The following DDX49 variants were observed in gnomAD, a reference collection of about 807,000 sequenced individuals.
DDX49 encodes DEAD-box helicase 49.
In DDX49, 50 loss-of-function variants were observed where a neutral mutation model predicts 56.3. That is an observed-to-expected ratio of 0.89 (90% confidence interval 0.71 to 1.12). The LOEUF is 1.12. DDX49 is among the 50% of genes most tolerant of loss of function. The probability of loss-of-function intolerance (pLI) is 0.00; values close to 1 mark genes in which losing one functional copy is unlikely to be tolerated. For missense variants in DDX49, 614 were observed against 650.5 expected (o/e 0.94, Z 0.61); for synonymous variants, 269 against 270.6 (o/e 0.99, Z 0.06).
At chr19:18,924,429 A>G (rs2056944346) in intron 7 of DDX49, 121 bp downstream of exon 7, 4 of 1,127,038 alleles carry the variant, frequency 3.5e-6, no homozygotes, top group Non-Finnish European at 5.3e-6. Flanking sequence ...TTCTGGTCCC[A>G]GAATATCGCA....
Position 18,922,680 on chromosome 19 carries a change from C to A in DDX49, c.712C>A (p.Leu238Met). Residue 238 changes from leucine (L) to methionine (M), a missense_variant, in exon 6 of 13, where the codon CTG (leucine) becomes ATG (methionine). Coordinates refer to ENST00000247003, the MANE Select transcript of DDX49 (RefSeq NM_019070.5). ...GGTCAAGGACGCCTACCTGGTCCAC[C>A]TGATCCAGCGCTTCCAGGATGAGCA... Reference protein sequence around the residue: ...EKVKDAYLVHLIQRFQDEHED... With the variant: ...EKVKDAYLVHMIQRFQDEHED... The A allele has an allele frequency of 6.2e-7, 1 of 1,614,080 alleles. No individual in the cohort carries two copies. Among genetic ancestry groups the A allele is most frequent in the East Asian group, 2.2e-5 (1 of 44,892 alleles).
At position 18,928,447 on chromosome 19, in the gene DDX49, G is replaced by A; in HGVS notation, c.*131G>A. 5.5e-6 allele frequency: 5 copies of A among 903,392 alleles called. No homozygotes were observed. The highest frequency in any genetic ancestry group is 8.1e-6 in the Non-Finnish European group (5 of 615,498). The allele number at this position is 903,392 out of a possible 1,614,324, so 56.0% of individuals were successfully genotyped here. Reference sequence around the variant, plus strand: ...CACAGCAGAACCCGTGGGCGCTCGTGTTGTGCGGGCCCTGCTCCTCTGCCC... The same window carrying A: ...CACAGCAGAACCCGTGGGCGCTCGTATTGTGCGGGCCCTGCTCCTCTGCCC... On this transcript the variant is annotated 3_prime_UTR_variant, in exon 13 of 13. Transcript: ENST00000247003.
At chr19:18,927,113 AG>A (rs2056967635) in intron 10 of DDX49, among the ~76,000 whole-genome samples, 1 of 139,058 alleles carries the variant, frequency 7.2e-6, no homozygotes, top group South Asian at 2.3e-4. Context: ...CTGGACTTTA[AG>A]GCCGGGCACG....
intron 8 of DDX49, 38 bp downstream of exon 8, chr19:18,924,737 C>G (rs1228443441): frequency 1.2e-6 from 2 of 1,613,994 alleles, no homozygotes; most frequent in Admixed American, 3.3e-5. Flanking sequence ...GGCACTCCCT[C>G]TTTTACTACA....
chr19:18,927,478 G>C (rs568969901), intron 10 of DDX49, among the ~76,000 whole-genome samples: 4 of 151,642 alleles, frequency 2.6e-5, no homozygotes, highest in African/African-American at 9.7e-5. Flanking sequence ...AAAAAATGGC[G>C]GGGGGAGGCT....
intron 10 of DDX49, 43 bp downstream of exon 10, chr19:18,926,420 T>TGGGGG: frequency 4.6e-5 from 9 of 194,800 alleles, no homozygotes; most frequent in East Asian, 2.8e-4. Context: ...AGGGGTGGGG[T>TGGGGG]GGGCAGAGGT....
At position 18,921,681 on chromosome 19, in the gene DDX49, C is replaced by T. The variant is rs773680130; in HGVS notation, c.258C>T (p.Ile86=). Residue 86 remains isoleucine (I), a synonymous_variant, in exon 3 of 13, where the codon ATC becomes ATT. Transcript: ENST00000247003. The part of the protein sequence containing the change: ...LTPTRELAYQ[I]AEQFRVLGKP... Reference sequence around the variant, plus strand: ...CCCACAGGGAGCTGGCCTACCAGATCGCAGAGCAGTTCCGGGTCCTGGGGA... The same window carrying T: ...CCCACAGGGAGCTGGCCTACCAGATTGCAGAGCAGTTCCGGGTCCTGGGGA... 6.8e-6 allele frequency: 11 copies of T among 1,613,982 alleles called. No homozygotes were observed. In the East Asian group the frequency reaches 2.0e-4, roughly 29 times the overall value.
rs1056038 is a variant in DDX49, at chr19:18,928,313, C to G, written c.1449C>G (p.Val483=). 1 of 1,543,076 alleles carries G rather than the reference C, an allele frequency of 6.5e-7. No homozygotes were observed. Among genetic ancestry groups the G allele is most frequent in the Non-Finnish European group, 8.7e-7 (1 of 1,145,544 alleles). ...HSGPVPSQGL[V] is the part of the protein sequence containing the mutation. Reference sequence around the variant, plus strand: ...GCCCAGTCCCCTCCCAGGGCCTGGTCTGAGCCCCACACGGCCATCTGCCCA... The same window carrying G: ...GCCCAGTCCCCTCCCAGGGCCTGGTGTGAGCCCCACACGGCCATCTGCCCA... The change falls in exon 13 of 13, where the codon GTC becomes GTG. Residue 483 remains valine (V), a synonymous_variant. Coordinates refer to ENST00000247003, the MANE Select transcript of DDX49 (RefSeq NM_019070.5).
Position 18,922,434 on chromosome 19 carries a change from A to G in DDX49, c.556A>G (p.Ser186Gly), listed in dbSNP as rs1286847953. Residue 186 changes from serine to glycine, a missense_variant, in exon 5 of 13, where the codon AGC becomes GGC. Physicochemically the swap from Ser to Gly is moderately conservative, Grantham distance 56. Coordinates refer to ENST00000247003, the MANE Select transcript of DDX49 (RefSeq NM_019070.5). ...GGCCCGCAGGCAGACACTGCTGTTC[A>G]GCGCCACGCTGACCGACACACTCCG... ...VPARRQTLLF[S>G]ATLTDTLREL... 2 of 1,607,102 alleles carry G rather than the reference A, an allele frequency of 1.2e-6. No individual in the cohort carries two copies. Among genetic ancestry groups the G allele is most frequent in the Admixed American group, 1.7e-5 (1 of 59,260 alleles).
intron 6 of DDX49, among the ~76,000 whole-genome samples, chr19:18,923,658 T>G (rs1302274207): frequency 6.6e-6 from 1 of 152,066 alleles, no homozygotes; most frequent in African/African-American, 2.4e-5. Flanking sequence ...CTTCTTGGCC[T>G]TCTTGGTAAC....
chr19:18,922,897 C>T (rs2056931159), intron 6 of DDX49, among the ~76,000 whole-genome samples, 153 bp downstream of exon 6: 1 of 152,182 alleles, frequency 6.6e-6, no homozygotes, highest in Admixed American at 6.5e-5. Context: ...CAAGGTCCCT[C>T]AATCTGAAGG....
chr19:18,922,893 C>T, intron 6 of DDX49, 149 bp downstream of exon 6: 3 of 1,067,812 alleles, frequency 2.8e-6, no homozygotes, highest in Admixed American at 2.6e-5. Flanking sequence ...GAGCCAAGGT[C>T]CCTCAATCTG....
At chr19:18,925,331 G>A (rs1006675781) in intron 9 of DDX49, 33 of 217,412 alleles carry the variant, frequency 1.5e-4, no homozygotes, top group African/African-American at 7.4e-4. Flanking sequence ...CGAGGTGGGT[G>A]GATCACGAGG....
chr19:18,919,904 G>C (rs369581841), intron 1 of DDX49, 48 bp downstream of exon 1: 7 of 1,397,030 alleles, frequency 5.0e-6, no homozygotes, highest in Non-Finnish European at 5.9e-6. Flanking sequence ...CGCTCCTCTC[G>C]ACTCCTTTCC....
Position 18,919,788 on chromosome 19 carries a change from A to G in DDX49, c.47A>G (p.Gln16Arg), listed in dbSNP as rs1436728196. 1 of 1,612,342 alleles carries G rather than the reference A, an allele frequency of 6.2e-7. No individual in the cohort carries two copies. Among genetic ancestry groups the G allele is most frequent in the African/African-American group, 1.3e-5 (1 of 75,020 alleles). The change falls in exon 1 of 13, where the codon CAA becomes CGA. Residue 16 changes from glutamine to arginine, a missense_variant. Coordinates refer to ENST00000247003, the MANE Select transcript of DDX49 (RefSeq NM_019070.5). ...ELGLSSWLVE[Q>R]CRQLGLKQPT... is the part of the protein sequence containing the mutation. Reference sequence around the variant, plus strand: ...GGGCTGTCATCGTGGCTCGTGGAACAATGTCGGCAGCTGGGTTTGAAGCAG... The same window carrying G: ...GGGCTGTCATCGTGGCTCGTGGAACGATGTCGGCAGCTGGGTTTGAAGCAG...
chr19:18,926,220 GC>G, intron 9 of DDX49, 82 bp from the exon 10 acceptor site: 1 of 1,389,046 alleles, frequency 7.2e-7, no homozygotes, highest in Non-Finnish European at 9.9e-7. Flanking sequence ...GGACCCCTGA[GC>G]TGTGTAGCTG....
In DDX49 at chr19:18,920,637, T is replaced by G. The variant is rs1245095091; in HGVS notation, c.173T>G (p.Leu58Arg). The G allele has an allele frequency of 6.2e-7, 1 of 1,611,812 alleles. No homozygotes were observed. The highest frequency in any genetic ancestry group is 2.2e-5 in the East Asian group (1 of 44,768). Residue 58 changes from leucine (L) to arginine (R), a missense_variant, in exon 2 of 13, where the codon CTT becomes CGT. Transcript: ENST00000247003. Reference protein sequence around the residue: ...TGSGKTAAFVLPILQKLSEDP... With the variant: ...TGSGKTAAFVRPILQKLSEDP... ...AGTGGGAAGACAGCAGCGTTTGTCC[T>G]TCCCATCTTGCAGAAGCTGTCTGAG...
chr19:18,920,614 T>A lies in DDX49; in HGVS notation c.150T>A (p.Ser50Arg). 11 of 1,610,940 alleles carry A rather than the reference T, an allele frequency of 6.8e-6. No individual in the cohort carries two copies. Among genetic ancestry groups the A allele is most frequent in the Non-Finnish European group, 9.3e-6 (11 of 1,177,362 alleles). ...GCTTGGGCTGTGCTAAGACAGGCAG[T>A]GGGAAGACAGCAGCGTTTGTCCTTC... is the stretch of plus-strand genomic sequence containing the variant. Reference protein sequence around the residue: ...RDCLGCAKTGSGKTAAFVLPI... With the variant: ...RDCLGCAKTGRGKTAAFVLPI... The change falls in exon 2 of 13, where the codon AGT becomes AGA. Residue 50 changes from serine to arginine, a missense_variant. By Grantham distance (110) the Ser-to-Arg change is moderately radical. Transcript: ENST00000247003.
At position 18,928,254 on chromosome 19, in the gene DDX49, C is replaced by A; in HGVS notation, c.1390C>A (p.Arg464Ser). 6.9e-6 allele frequency: 11 copies of A among 1,588,138 alleles called. No individual in the cohort carries two copies. The highest frequency in any genetic ancestry group is 9.4e-6 in the Non-Finnish European group (11 of 1,167,538). The change falls in exon 13 of 13, where the codon CGT becomes AGT. Residue 464 changes from arginine to serine, a missense_variant. Physicochemically the swap from Arg to Ser is moderately radical, Grantham distance 110 (BLOSUM62 -1). Transcript: ENST00000247003. ...QKAGRAGHKG[R>S]PPRTPSGSHS... The stretch of plus-strand genomic sequence containing the variant: ...GGCTGGCAGGGCTGGCCACAAGGGG[C>A]GTCCACCCAGGACACCGTCTGGGTC...
Sources: allele counts gnomAD v4.1 joint callset (sites outside exome capture counted in the v4.1 genomes callset), GRCh38; gene constraint gnomAD v4.1.1; transcripts MANE v1.5; gene names NCBI Gene and HGNC (gene_info 2026-07-23, HGNC 2026-07-21).